The following PARP8 variants were observed in gnomAD, a reference collection of about 807,000 sequenced individuals.
PARP8 encodes the protein protein mono-ADP-ribosyltransferase PARP8.
Under a neutral mutation model 124.1 loss-of-function variants are expected in PARP8, and 51 were observed. The observed-to-expected ratio is 0.41, with a 90% confidence interval of 0.33 to 0.52. The LOEUF (loss-of-function observed/expected upper bound fraction) is 0.52, where lower values mean the gene tolerates loss of function less well. Ranked by LOEUF, PARP8 falls within the 20% of genes least tolerant of loss-of-function variation. The probability of loss-of-function intolerance (pLI) is 0.21; values close to 1 mark genes in which losing one functional copy is unlikely to be tolerated. For synonymous variants in PARP8, 391 were observed against 361.5 expected (o/e 1.08, Z -0.93); for missense variants, 860 against 1,018.9 (o/e 0.84, Z 2.12).
intron 11 of PARP8, among the ~76,000 whole-genome samples, chr5:50,794,551 CAT>C (rs33958370): frequency 0.11 from 16,035 of 152,132 alleles, 867 homozygotes; most frequent in South Asian, 0.16. Flanking sequence ...GCTAAAATTA[CAT>C]TCTTTGCTTT....
At chr5:50,828,455 G>A (rs1370512394) in intron 21 of PARP8, 71 bp downstream of exon 21, 3 of 1,392,714 alleles carry the variant, frequency 2.2e-6, no homozygotes, top group Admixed American at 3.6e-5. Flanking sequence ...CAACCCTGTT[G>A]TTAGGTTTAA....
At chr5:50,725,784 A>G (rs1478570876) in intron 2 of PARP8, among the ~76,000 whole-genome samples, 1 of 152,178 alleles carries the variant, frequency 6.6e-6, no homozygotes, top group African/African-American at 2.4e-5. Context: ...GGATCTTAAG[A>G]TAGTCTTTCT....
intron 14 of PARP8, among the ~76,000 whole-genome samples, chr5:50,798,424 GT>G (rs748058229): frequency 6.1e-4 from 83 of 135,936 alleles, no homozygotes; most frequent in African/African-American, 1.1e-3. Context: ...TATTTTTTTT[GT>G]TTTTTTTTTT....
In PARP8 at chr5:50,842,184, G is replaced by T. The variant is rs1748250267; in HGVS notation, c.*116G>T. On this transcript the variant is annotated 3_prime_UTR_variant, in exon 26 of 26. Transcript: ENST00000281631. ...TTATTATAAACAAAATTAACCCTTTGAATACTGATTTTTTTTCTTAGTATT... is the reference window on the plus strand; with the variant it reads ...TTATTATAAACAAAATTAACCCTTTTAATACTGATTTTTTTTCTTAGTATT... 1.5e-6 allele frequency: 1 copy of T among 688,388 alleles called. No homozygotes were observed. Among genetic ancestry groups the T allele is most frequent in the Non-Finnish European group, 2.4e-6 (1 of 416,772 alleles). The allele number at this position is 688,388 out of a possible 1,614,324, so 42.6% of individuals were successfully genotyped here. A position where few individuals can be genotyped will look rare whatever the true frequency, so the allele number is the denominator to read the frequency against.
chr5:50,842,153 T>G lies in PARP8; in HGVS notation c.*85T>G. 1.1e-6 allele frequency: 1 copy of G among 915,358 alleles called. No homozygotes were observed. The highest frequency in any genetic ancestry group is 1.6e-6 in the Non-Finnish European group (1 of 606,664). The allele number at this position is 915,358 out of a possible 1,614,324, so 56.7% of individuals were successfully genotyped here. ...GAACTGAAGAAGATTATAAAATTATTTATTGTTATTATAAACAAAATTAAC... is the reference window on the plus strand; with the variant it reads ...GAACTGAAGAAGATTATAAAATTATGTATTGTTATTATAAACAAAATTAAC... On this transcript the variant is annotated 3_prime_UTR_variant, in exon 26 of 26. Transcript: ENST00000281631.
chr5:50,828,571 G>T (rs1746597165), intron 21 of PARP8, among the ~76,000 whole-genome samples, 187 bp downstream of exon 21: 1 of 151,872 alleles, frequency 6.6e-6, no homozygotes, highest in Admixed American at 6.6e-5. Flanking sequence ...AACACAAAAT[G>T]GATCACACAA....
Position 50,828,051 on chromosome 5 carries a change from A to G in PARP8, c.2085A>G (p.Ala695=), listed in dbSNP as rs368150922. The G allele has an allele frequency of 1.9e-6, 3 of 1,595,918 alleles. No individual in the cohort carries two copies. Among genetic ancestry groups the G allele is most frequent in the Middle Eastern group, 1.7e-4 (1 of 6,018 alleles). The change falls in exon 20 of 26, where the codon GCA becomes GCG. Residue 695 remains alanine (A), a synonymous_variant. Transcript: ENST00000281631. ...AAAAACTCTTTGGAAGCACCTTTGC[A>G]TTTCAGTGAGTAAGGCTTAATGTTA... ...AAKKLFGSTF[A]FHGSHIENWH... is the part of the protein sequence containing the mutation.
chr5:50,818,593 G>T (rs1215526489), intron 15 of PARP8, among the ~76,000 whole-genome samples: 1 of 151,900 alleles, frequency 6.6e-6, no homozygotes, highest in Non-Finnish European at 1.5e-5. Context: ...TGTCCGGGCT[G>T]GTCTTGAACT....
At chr5:50,760,755 G>A (rs750442108) in intron 5 of PARP8, among the ~76,000 whole-genome samples, 1 of 151,968 alleles carries the variant, frequency 6.6e-6, no homozygotes, top group Non-Finnish European at 1.5e-5. Context: ...TAACACTGAG[G>A]TTGTACATAG....
chr5:50,725,073 ATG>A (rs1427265557), intron 2 of PARP8, among the ~76,000 whole-genome samples: 1 of 30,830 alleles, frequency 3.2e-5, no homozygotes, highest in Non-Finnish European at 6.6e-5. Flanking sequence ...TTGTGTGTGT[ATG>A]TGTATATATA....
At chr5:50,768,575 T>A (rs1761282722) in intron 7 of PARP8, among the ~76,000 whole-genome samples, 1 of 152,186 alleles carries the variant, frequency 6.6e-6, no homozygotes, top group African/African-American at 2.4e-5. Flanking sequence ...TTTGATGTGA[T>A]CTTTTCACAG....
chr5:50,834,983 T>C lies in PARP8; in HGVS notation c.2430T>C (p.Asn810=), dbSNP rs1000255294. The change falls in exon 25 of 26, where the codon AAT becomes AAC. Residue 810 remains asparagine, a synonymous_variant. Coordinates refer to ENST00000281631, the MANE Select transcript of PARP8 (RefSeq NM_024615.4). ...ATGGAGAGATATGGGTTGTCCCCAA[T>C]ACTGACCATGTCTGCACACGATTCT... ...HKHGEIWVVP[N]TDHVCTRFFF... is the part of the protein sequence containing the mutation. 4.3e-6 allele frequency: 7 copies of C among 1,613,348 alleles called. No homozygotes were observed. In the African/African-American group the frequency reaches 9.3e-5, roughly 22 times the overall value.
At chr5:50,731,172 A>T (rs1756941322) in intron 2 of PARP8, among the ~76,000 whole-genome samples, 1 of 152,180 alleles carries the variant, frequency 6.6e-6, no homozygotes, top group Non-Finnish European at 1.5e-5. Context: ...AAAATAAGGG[A>T]TGTGCAACTG....
chr5:50,775,731 A>G (rs154136), intron 7 of PARP8, among the ~76,000 whole-genome samples: 70,707 of 151,876 alleles, frequency 0.47, 18,242 homozygotes, highest in African/African-American at 0.7. Flanking sequence ...ACTGATTTTT[A>G]TGTGTGTTGA....
intron 2 of PARP8, among the ~76,000 whole-genome samples, chr5:50,746,202 G>C (rs914322467): frequency 6.6e-6 from 1 of 152,058 alleles, no homozygotes; most frequent in African/African-American, 2.4e-5. Flanking sequence ...TTCCATTTAT[G>C]TATTATTCTT....
At chr5:50,762,964 T>G (rs111404946) in intron 6 of PARP8, among the ~76,000 whole-genome samples, 184 bp from the exon 7 acceptor site, 1 of 152,238 alleles carries the variant, frequency 6.6e-6, no homozygotes, top group Non-Finnish European at 1.5e-5. Flanking sequence ...AAACTAACTT[T>G]AAGTTCCAAC....
intron 22 of PARP8, among the ~76,000 whole-genome samples, chr5:50,832,208 A>G (rs1747064666): frequency 1.3e-5 from 2 of 152,256 alleles, no homozygotes; most frequent in East Asian, 1.9e-4. Flanking sequence ...GTAGATACAA[A>G]TCTACCTATT....
At chr5:50,796,085 G>C (rs1351447559) in intron 12 of PARP8, among the ~76,000 whole-genome samples, 2 of 152,180 alleles carry the variant, frequency 1.3e-5, no homozygotes, top group Admixed American at 6.5e-5. Context: ...TGATTGGCAT[G>C]ATAGCCAAGT....
At chr5:50,695,566 G>A (rs963645732) in intron 2 of PARP8, among the ~76,000 whole-genome samples, 2 of 152,074 alleles carry the variant, frequency 1.3e-5, no homozygotes, top group Non-Finnish European at 1.5e-5. Flanking sequence ...CTAATCTTTT[G>A]TGGCTCTTTT....
Sources: allele counts gnomAD v4.1 joint callset (sites outside exome capture counted in the v4.1 genomes callset), GRCh38; gene constraint gnomAD v4.1.1; transcripts MANE v1.5; gene names NCBI Gene and HGNC (gene_info 2026-07-23, HGNC 2026-07-21).